Variants in MGA observed in about 807,000 individuals in gnomAD.
MGA encodes the protein MAX gene-associated protein.
A neutral mutation model predicts 261.1 loss-of-function variants in MGA; 40 were observed. The observed-to-expected ratio is 0.15, with a 90% CI of 0.12 to 0.20. The LOEUF is 0.20. MGA is among the 10% of genes least tolerant of loss of function. The pLI is 1.00. For synonymous variants in MGA, 1,302 were observed against 1,290.6 expected, an observed-to-expected ratio of 1.01 and a Z score of -0.19; for missense variants, 3,397 against 3,630.5, an observed-to-expected ratio of 0.94 and a Z score of 1.65.
intron 1 of MGA, among the ~76,000 whole-genome samples, chr15:41,624,534 T>C (rs956820007): frequency 6.6e-6 from 1 of 151,970 alleles, no homozygotes; most frequent in Non-Finnish European, 1.5e-5. Flanking sequence ...GGGGTTTCAC[T>C]ATATTGGCCA....
At position 41,766,905 on chromosome 15, in the gene MGA, C is replaced by T; in HGVS notation, c.8823C>T (p.Asn2941=). The T allele has an allele frequency of 5.0e-6, 8 of 1,614,002 alleles. No homozygotes were observed. Among genetic ancestry groups the T allele is most frequent in the Non-Finnish European group, 6.8e-6 (8 of 1,179,894 alleles). Residue 2941 remains asparagine (N), a synonymous_variant, in exon 24 of 24, where the codon AAC becomes AAT. Transcript: ENST00000219905. ...AAATAAAGGATTCCCTCCTTTCCAA[C>T]AAGAAAGCTATTGATGGAGGGAAGA... is the stretch of plus-strand genomic sequence containing the variant.
At chr15:41,656,377 T>TCTCTCTCTCTCACACACA (rs1555403733), upstream of MGA, among the ~76,000 whole-genome samples, 1 of 68,276 alleles carries the variant, frequency 1.5e-5, no homozygotes, top group Non-Finnish European at 3.5e-5. Context: ...TCTCTCTCTC[T>TCTCTCTCTCTCACACACA]CACACCCAGG....
At chr15:41,717,606 A>G (rs1337816697) in intron 9 of MGA, among the ~76,000 whole-genome samples, 1 of 152,214 alleles carries the variant, frequency 6.6e-6, no homozygotes, top group Admixed American at 6.5e-5. Flanking sequence ...CCTTATACTT[A>G]TTAGAGAATT....
In MGA at chr15:41,769,706, G is replaced by A. The variant is rs2063955956; in HGVS notation, c.*2426G>A. ...AGCTCTCACCCTAACACTATAAGAA[G>A]CATGATCTCAATAGACCAATAATTC... On this transcript the variant is annotated 3_prime_UTR_variant, in exon 24 of 24. Coordinates refer to ENST00000219905, the MANE Select transcript of MGA (RefSeq NM_001164273.2). 2 of 152,522 alleles carry A rather than the reference G, an allele frequency of 1.3e-5. No homozygotes were observed. The highest frequency in any genetic ancestry group is 1.3e-4 in the Admixed American group (2 of 15,272). The allele number at this position is 152,522 out of a possible 1,614,324, so 9.4% of individuals were successfully genotyped here.
chr15:41,672,633 G>A (rs943437740), intron 2 of MGA, among the ~76,000 whole-genome samples: 1 of 152,198 alleles, frequency 6.6e-6, no homozygotes, highest in African/African-American at 2.4e-5. Flanking sequence ...TGTGAAAATG[G>A]TATTTAGCTA....
chr15:41,750,458 A>C lies in MGA; in HGVS notation c.6851A>C (p.Lys2284Thr). 1 of 1,614,002 alleles carries C rather than the reference A, an allele frequency of 6.2e-7. No homozygotes were observed. The highest frequency in any genetic ancestry group is 1.3e-5 in the African/African-American group (1 of 75,076). The change falls in exon 17 of 24, where the codon AAG (lysine) becomes ACG (threonine). Residue 2284 changes from lysine to threonine, a missense_variant. This residue lies in a region of MGA where 1,410 missense variants were observed against 1,386.4 expected (regional missense o/e 1.02). Transcript: ENST00000219905. ...CTACCTGGAGAACAGATACAACCAAAGCAAGAGAAGAAGGGTGGGAGAAGC... is the reference window on the plus strand; with the variant it reads ...CTACCTGGAGAACAGATACAACCAACGCAAGAGAAGAAGGGTGGGAGAAGC...
chr15:41,622,395 C>T (rs1012531891), intron 1 of MGA, among the ~76,000 whole-genome samples: 3 of 152,108 alleles, frequency 2.0e-5, no homozygotes, highest in African/African-American at 7.2e-5. Flanking sequence ...ACAACCGCCA[C>T]CCCGCCAAAA....
At chr15:41,684,611 A>C (rs544960379) in intron 2 of MGA, 1 of 246,468 alleles carries the variant, frequency 4.1e-6, no homozygotes, top group African/African-American at 2.2e-5. Flanking sequence ...GCCCAGATCT[A>C]GCCTCAGAGG....
At chr15:41,733,005 C>T (rs2061590182) in intron 11 of MGA, among the ~76,000 whole-genome samples, 1 of 152,148 alleles carries the variant, frequency 6.6e-6, no homozygotes, top group African/African-American at 2.4e-5. Context: ...GCCACCCAGG[C>T]TGGAGTGCAG....
intron 9 of MGA, among the ~76,000 whole-genome samples, chr15:41,722,255 G>A (rs892133273): frequency 2.7e-5 from 4 of 150,108 alleles, no homozygotes; most frequent in South Asian, 4.2e-4. Flanking sequence ...TCAGCCTCCC[G>A]AGTAGCTGGG....
chr15:41,681,112 C>T (rs1280965632), intron 2 of MGA, among the ~76,000 whole-genome samples: 1 of 152,082 alleles, frequency 6.6e-6, no homozygotes, highest in Non-Finnish European at 1.5e-5. Context: ...CAGACAAGCT[C>T]ATTATACAGC....
intron 2 of MGA, among the ~76,000 whole-genome samples, chr15:41,673,984 T>G (rs2058234253): frequency 6.6e-6 from 1 of 152,076 alleles, no homozygotes; most frequent in South Asian, 2.1e-4. Flanking sequence ...CTCCGCCTCT[T>G]GGGTTCAAGC....
chr15:41,742,567 G>GTGT lies in MGA; in HGVS notation c.4608_4610dup (p.Val1537dup). On this transcript the variant is annotated inframe_insertion, in exon 15 of 24. Coordinates refer to ENST00000219905, the MANE Select transcript of MGA (RefSeq NM_001164273.2). ...GCAGCGGCTCGACCCTCTCCTGGTG[G>GTGT]TGTGTTCACACAGTTTGTGATGAGT... 1 of 1,613,444 alleles carries GTGT rather than the reference G, an allele frequency of 6.2e-7. No individual in the cohort carries two copies. The highest frequency in any genetic ancestry group is 2.2e-5 in the East Asian group (1 of 44,874).
At chr15:41,657,367 T>G (rs1289686399), upstream of MGA, among the ~76,000 whole-genome samples, 1 of 101,494 alleles carries the variant, frequency 9.9e-6, no homozygotes, top group Non-Finnish European at 2.2e-5. Flanking sequence ...TTTTTTTTTT[T>G]TTTTGAGATG....
At chr15:41,661,595 C>T (rs1675970341) in intron 1 of MGA, among the ~76,000 whole-genome samples, 1 of 152,118 alleles carries the variant, frequency 6.6e-6, no homozygotes, top group African/African-American at 2.4e-5. Context: ...AAAGTGCACT[C>T]TTTTATTGGG....
In MGA at chr15:41,707,759, A is replaced by G; in HGVS notation, c.2220A>G (p.Thr740=). The G allele has an allele frequency of 6.2e-7, 1 of 1,611,866 alleles. No individual in the cohort carries two copies. The highest frequency in any genetic ancestry group is 8.5e-7 in the Non-Finnish European group (1 of 1,179,152). The change falls in exon 6 of 24, where the codon ACA becomes ACG. Residue 740 remains threonine (T), a synonymous_variant. Coordinates refer to ENST00000219905, the MANE Select transcript of MGA (RefSeq NM_001164273.2). ...TAAAATTGAATTCAGTGGATCCAAC[A>G]ATGAGCATTGATCTTAAATACTTGG... is the stretch of plus-strand genomic sequence containing the variant.
intron 9 of MGA, among the ~76,000 whole-genome samples, chr15:41,726,728 CAA>C (rs71108124): frequency 1.2e-4 from 16 of 129,912 alleles, no homozygotes; most frequent in South Asian, 2.4e-4. Flanking sequence ...GACTCTGTCT[CAA>C]AAAAAAAAAA....
At chr15:41,699,202 T>C (rs900012686) in intron 5 of MGA, 43 bp downstream of exon 5, 9 of 1,292,166 alleles carry the variant, frequency 7.0e-6, no homozygotes, top group Non-Finnish European at 9.6e-6. Context: ...TCTTTTTTTC[T>C]TTCTTCCCTA....
chr15:41,763,284 G>A (rs1344745167), intron 22 of MGA, among the ~76,000 whole-genome samples: 2 of 150,582 alleles, frequency 1.3e-5, no homozygotes, highest in Non-Finnish European at 1.5e-5. Context: ...TGTATTTTTA[G>A]TAGAGACGGG....
Sources: allele counts gnomAD v4.1 joint callset (sites outside exome capture counted in the v4.1 genomes callset), GRCh38; gene constraint gnomAD v4.1.1; regional missense constraint gnomAD v4.1.1; transcripts MANE v1.5; gene names NCBI Gene and HGNC (gene_info 2026-07-23, HGNC 2026-07-21).